RSRC2: variants seen among roughly 807,000 people sequenced by gnomAD.
RSRC2 encodes arginine/serine-rich coiled-coil protein 2.
In RSRC2, 5 loss-of-function variants were observed where a neutral mutation model predicts 61.3. That is an observed-to-expected ratio of 0.08 (90% CI 0.04 to 0.17). RSRC2 has a LOEUF of 0.17. Ranked by LOEUF, RSRC2 falls within the 10% of genes least tolerant of loss-of-function variation. The pLI, the probability that RSRC2 is intolerant of heterozygous loss-of-function variation, is 1.00. For missense variants in RSRC2, 381 were observed against 518.8 expected, an observed-to-expected ratio of 0.73 and a Z score of 2.58; for synonymous variants, 202 against 166.5, an observed-to-expected ratio of 1.21 and a Z score of -1.64.
rs1958991150 is a variant in RSRC2, at chr12:122,517,090, TAGGTA to T, written c.602+132_602+136del. ...GTGGTTAGGTGTGTTCTTCATACGT[TAGGTA>T]ATGACTAAAATAATTTTACCATAAT... is the stretch of plus-strand genomic sequence containing the variant. On this transcript the variant is annotated intron_variant, in intron 5 of 9. Coordinates refer to ENST00000331738, the MANE Select transcript of RSRC2 (RefSeq NM_023012.6). 48 of 1,239,010 alleles carry T rather than the reference TAGGTA, an allele frequency of 3.9e-5. No homozygotes were observed. The Middle Eastern group carries it at 1.1e-3, about 29-fold the overall frequency. The allele number at this position is 1,239,010 out of a possible 1,614,324, so 76.8% of individuals were successfully genotyped here. A position where few individuals can be genotyped will look rare whatever the true frequency, so the allele number is the denominator to read the frequency against.
intron 3 of RSRC2, chr12:122,519,585 C>G (rs2137528600): frequency 6.5e-6 from 1 of 154,134 alleles, no homozygotes; most frequent in Non-Finnish European, 1.4e-5. Flanking sequence ...GATTTTCCTC[C>G]CAATGTCTAA....
At position 122,505,487 on chromosome 12, in the gene RSRC2, A is replaced by G; in HGVS notation, c.*40T>C. ...TGAACAAGGACGTGACATCAGAACAAGAAGTCTATAAGTCCCAAACTTTAC... is the reference window on the plus strand; with the variant it reads ...TGAACAAGGACGTGACATCAGAACAGGAAGTCTATAAGTCCCAAACTTTAC... On this transcript the variant is annotated 3_prime_UTR_variant, in exon 10 of 10. Coordinates refer to ENST00000331738, the MANE Select transcript of RSRC2 (RefSeq NM_023012.6). 6.3e-7 allele frequency: 1 copy of G among 1,584,088 alleles called. No homozygotes were observed. Among genetic ancestry groups the G allele is most frequent in the South Asian group, 1.1e-5 (1 of 88,722 alleles).
chr12:122,510,042 G>C (rs1218256211), intron 7 of RSRC2, among the ~76,000 whole-genome samples: 1 of 152,092 alleles, frequency 6.6e-6, no homozygotes, highest in African/African-American at 2.4e-5. Context: ...GGCTGGTCTT[G>C]AACTACTGAC....
intron 5 of RSRC2, among the ~76,000 whole-genome samples, chr12:122,515,913 C>G (rs1433236028): frequency 6.6e-6 from 1 of 152,088 alleles, no homozygotes; most frequent in Non-Finnish European, 1.5e-5. Context: ...CGCTTGAACC[C>G]AGGAGGCAGA....
chr12:122,525,400 A>G (rs1224625583), intron 1 of RSRC2, among the ~76,000 whole-genome samples: 1 of 152,092 alleles, frequency 6.6e-6, no homozygotes, highest in Non-Finnish European at 1.5e-5. Context: ...AAAACCTGCA[A>G]CCCAAGAAAA....
chr12:122,518,789 CTT>C, intron 4 of RSRC2, 48 bp downstream of exon 4: 4 of 1,445,140 alleles, frequency 2.8e-6, no homozygotes, highest in Middle Eastern at 3.5e-4. Flanking sequence ...CAATGAGAAA[CTT>C]TATGTAACTT....
intron 2 of RSRC2, 30 bp from the exon 3 acceptor site, chr12:122,521,458 T>C (rs751846968): frequency 6.9e-6 from 11 of 1,587,770 alleles, no homozygotes; most frequent in Non-Finnish European, 6.1e-6. Flanking sequence ...ATAATCACCA[T>C]AAACAAAGTT....
intron 3 of RSRC2, chr12:122,520,191 T>C (rs978141604): frequency 9.2e-6 from 2 of 216,776 alleles, no homozygotes; most frequent in South Asian, 5.5e-5. Context: ...GGAACATGCA[T>C]GATGATTTAT....
chr12:122,522,683 G>T (rs544872825), intron 1 of RSRC2: 1 of 156,700 alleles, frequency 6.4e-6, no homozygotes, highest in Non-Finnish European at 1.4e-5. Context: ...TTTTAAATTA[G>T]CATACATGTC....
rs1304887456 is a variant in RSRC2, at chr12:122,522,245, C to T, written c.61G>A (p.Asp21Asn). ...ACTTCTGACTGCTCTTTTTTCTTAT[C>T]TCTATCTGGTGATGTCTTTTCTGGG... ...LAPEKTSPDRDKKKEQSEVSV... is the reference protein window; with the variant it reads ...LAPEKTSPDRNKKKEQSEVSV... Residue 21 changes from aspartate to asparagine, a missense_variant, in exon 2 of 10, where the codon GAT becomes AAT. Asp to Asn is a conservative substitution (Grantham distance 23, BLOSUM62 1). This residue lies in a region of RSRC2 where 266 missense variants were observed against 270.5 expected (regional missense o/e 0.98). Coordinates refer to ENST00000331738, the MANE Select transcript of RSRC2 (RefSeq NM_023012.6). 1.2e-6 allele frequency: 2 copies of T among 1,613,790 alleles called. No homozygotes were observed. The highest frequency in any genetic ancestry group is 1.7e-6 in the Non-Finnish European group (2 of 1,179,868).
chr12:122,523,342 C>T (rs558715047), intron 1 of RSRC2: 13 of 152,052 alleles, frequency 8.5e-5, no homozygotes, highest in Admixed American at 8.5e-4. Flanking sequence ...ATGGTAAAAC[C>T]CTGCTTCTAC....
chr12:122,513,216 TAAATAAATAAATAAATAAATAAATAAATA>T (rs1178712744), intron 6 of RSRC2, among the ~76,000 whole-genome samples: 3 of 91,396 alleles, frequency 3.3e-5, no homozygotes, highest in Admixed American at 1.1e-4. Context: ...AATAAATAAA[TAAATAAATAAATAAATAAATAAATAAATA>T]AAATAAAATA....
In RSRC2 at chr12:122,521,369, A is replaced by C. The variant is rs765392708; in HGVS notation, c.207+16T>G. 1.3e-5 allele frequency: 20 copies of C among 1,595,968 alleles called. No homozygotes were observed. The highest frequency in any genetic ancestry group is 1.7e-5 in the Non-Finnish European group (20 of 1,164,514). The stretch of plus-strand genomic sequence containing the variant: ...AAGTATTTTAAAGTACCTATTCACT[A>C]CAAAGTGTTAATTACCTCTTTGCTT... On this transcript the variant is annotated intron_variant, in intron 3 of 9. Coordinates refer to ENST00000331738, the MANE Select transcript of RSRC2 (RefSeq NM_023012.6).
At position 122,505,719 on chromosome 12, in the gene RSRC2, C is replaced by T; in HGVS notation, c.1126-13G>A. 6.2e-7 allele frequency: 1 copy of T among 1,602,652 alleles called. No individual in the cohort carries two copies. Among genetic ancestry groups the T allele is most frequent in the Non-Finnish European group, 8.5e-7 (1 of 1,171,282 alleles). ...CTTCATCTTCACTCTAAAAATCAGA[C>T]ATAAAACATTACAATGAATTCAGAT... On this transcript the variant is annotated splice_polypyrimidine_tract_variant and intron_variant, in intron 9 of 9. Transcript: ENST00000331738.
At chr12:122,510,643 TTAAG>T in intron 7 of RSRC2, among the ~76,000 whole-genome samples, 1 of 152,290 alleles carries the variant, frequency 6.6e-6, no homozygotes. Context: ...TACAAAACAC[TTAAG>T]TGAGAACACT....
At chr12:122,505,857 C>T (rs1298646108) in intron 9 of RSRC2, 151 bp from the exon 10 acceptor site, 1 of 624,654 alleles carries the variant, frequency 1.6e-6, no homozygotes, top group Admixed American at 3.1e-5. Context: ...CGGCTCACTG[C>T]AACCTCTGCC....
At chr12:122,509,837 TTTG>T (rs1958366108) in intron 7 of RSRC2, among the ~76,000 whole-genome samples, 1 of 152,126 alleles carries the variant, frequency 6.6e-6, no homozygotes, top group South Asian at 2.1e-4. Context: ...GTTTTTTGTT[TTTG>T]TTTTTTTCTT....
intron 8 of RSRC2, chr12:122,507,915 C>A: frequency 4.9e-6 from 2 of 407,158 alleles, no homozygotes; most frequent in Non-Finnish European, 4.6e-6. Context: ...ATTCTCCTGC[C>A]TCAGCCTCCC....
chr12:122,521,415 T>C lies in RSRC2; in HGVS notation c.177A>G (p.Arg59=). The change falls in exon 3 of 10, where the codon AGA becomes AGG. Residue 59 remains arginine (R), a synonymous_variant. Transcript: ENST00000331738. Reference sequence around the variant, plus strand: ...TGCTTCTGCTCCGGCTCCTGTGTTTTCTTCCTTCATTATCTGTGAATACAC... The same window carrying C: ...TGCTTCTGCTCCGGCTCCTGTGTTTCCTTCCTTCATTATCTGTGAATACAC... ...ERKRKSDNEG[R]KHRSRSRSKE... 3.1e-6 allele frequency: 5 copies of C among 1,612,616 alleles called. No homozygotes were observed. The highest frequency in any genetic ancestry group is 4.2e-6 in the Non-Finnish European group (5 of 1,179,020).
Sources: gnomAD v4.1 joint callset for allele counts (sites outside exome capture counted in the v4.1 genomes callset) on GRCh38, gnomAD v4.1.1 for gene constraint, gnomAD v4.1.1 regional missense constraint, MANE v1.5 for transcripts, NCBI Gene and HGNC (gene_info 2026-07-23, HGNC 2026-07-21) for gene names.